NAPSA: variants seen among roughly 807,000 people sequenced by gnomAD.
NAPSA encodes napsin A aspartic peptidase.
A neutral mutation model predicts 36.7 loss-of-function variants in NAPSA; 37 were observed. The observed-to-expected ratio is 1.01, with a 90% CI of 0.78 to 1.33. The LOEUF (loss-of-function observed/expected upper bound fraction) is 1.33. Ranked by LOEUF, NAPSA falls within the 40% of genes most tolerant of loss-of-function variation. The pLI is 0.00. For missense variants in NAPSA, 532 were observed against 543.8 expected, an observed-to-expected ratio of 0.98 and a Z score of 0.21; for synonymous variants, 222 against 234.5, an observed-to-expected ratio of 0.95 and a Z score of 0.49.
In NAPSA at chr19:50,359,929, GC is replaced by G. The variant is rs1601123898; in HGVS notation, c.669-68del. On this transcript the variant is annotated intron_variant, in intron 5 of 8. Coordinates refer to ENST00000253719, the MANE Select transcript of NAPSA (RefSeq NM_004851.3). ...TGGCCCTCCCTCAGCCCTAGGTATT[GC>G]CAGGAATGGCACTTCCCACCAACTG... The G allele has an allele frequency of 1.4e-5, 21 of 1,554,514 alleles. No homozygotes were observed. In the East Asian group the frequency reaches 4.8e-4, roughly 35 times the overall value.
rs917991901 is a variant in NAPSA, at chr19:50,358,732, C to G, written c.1084G>C (p.Asp362His). The stretch of plus-strand genomic sequence containing the variant: ...AAGGGCCCTGCAGGCGGAGGGACAT[C>G]CAGGGCCTGGAAACCGGACAAGCAG... ...RLCLSGFQAL[D>H]VPPPAGPFWI... Residue 362 changes from aspartate to histidine, a missense_variant, in exon 9 of 9, where the codon GAT (aspartate) becomes CAT (histidine). Physicochemically the swap from Asp to His is moderately conservative, Grantham distance 81. This residue lies in a region of NAPSA where 385 missense variants were observed against 371.5 expected (regional missense o/e 1.04). Coordinates refer to ENST00000253719, the MANE Select transcript of NAPSA (RefSeq NM_004851.3). 2 of 1,613,282 alleles carry G rather than the reference C, an allele frequency of 1.2e-6. No individual in the cohort carries two copies. Among genetic ancestry groups the G allele is most frequent in the Non-Finnish European group, 1.7e-6 (2 of 1,179,958 alleles).
chr19:50,363,627 A>T (rs61351775), intron 1 of NAPSA, among the ~76,000 whole-genome samples: 47,902 of 151,592 alleles, frequency 0.32, 7,787 homozygotes, highest in Admixed American at 0.39. Flanking sequence ...CAGTAGCAGG[A>T]TCATAGCCCA....
At chr19:50,367,549 C>CCG (rs1376092737), upstream of NAPSA, among the ~76,000 whole-genome samples, 1 of 132,976 alleles carries the variant, frequency 7.5e-6, no homozygotes, top group East Asian at 2.2e-4. Flanking sequence ...TCTCTCTCTC[C>CCG]CTCTCTCTCT....
At chr19:50,365,729 A>G, upstream of NAPSA, 1 of 891,118 alleles carries the variant, frequency 1.1e-6, no homozygotes. Flanking sequence ...AGACCAGGAC[A>G]TGAAATCTGT....
rs1568585667 is a variant in NAPSA, at chr19:50,359,878, G to GT, written c.669-17dup. The GT allele has an allele frequency of 6.8e-6, 11 of 1,611,674 alleles. No individual in the cohort carries two copies. Among genetic ancestry groups the GT allele is most frequent in the Non-Finnish European group, 1.7e-6 (2 of 1,178,564 alleles). ...TTCAGGGTCCCTGCAGGGGCAGAGT[G>GT]TAGAGAGTGTAGATGTCAGTGTCAC... On this transcript the variant is annotated splice_polypyrimidine_tract_variant and intron_variant, in intron 5 of 8. Transcript: ENST00000253719.
At chr19:50,368,368 T>G (rs2037576122), upstream of NAPSA, among the ~76,000 whole-genome samples, 1 of 151,916 alleles carries the variant, frequency 6.6e-6, no homozygotes, top group Non-Finnish European at 1.5e-5. Context: ...GGCACACTCC[T>G]GTAGTCCCAG....
At chr19:50,364,992 A>AAATAATAATAATAATAATAAAT (rs2037526544) in intron 1 of NAPSA, among the ~76,000 whole-genome samples, 1 of 138,624 alleles carries the variant, frequency 7.2e-6, no homozygotes, top group Non-Finnish European at 1.5e-5. Context: ...ACTCTGTCTC[A>AAATAATAATAATAATAATAAAT]AATAATAATA....
rs61729810 is a variant in NAPSA at position 50,359,062 on chromosome 19, G to A, written c.984C>T (p.Phe328=). The change falls in exon 8 of 9, where the codon TTC becomes TTT. Residue 328 remains phenylalanine, a synonymous_variant. Transcript: ENST00000253719. ...SEIPKLPAVS[F]LLGGVWFNLT... ...GGTTAAACCAGACCCCCCCAAGAAG[G>A]AAGGAGACTGCGGGGAGCTTTGGGA... 12,251 of 1,614,094 alleles carry A rather than the reference G, an allele frequency of 7.6e-3. 77 individuals carry two copies. Among genetic ancestry groups the A allele is most frequent in the Middle Eastern group, 0.02 (119 of 6,062 alleles).
At position 50,365,608 on chromosome 19, in the gene NAPSA, G is replaced by T; in HGVS notation, c.14C>A (p.Pro5Gln). 1 of 1,611,378 alleles carries T rather than the reference G, an allele frequency of 6.2e-7. No homozygotes were observed. The highest frequency in any genetic ancestry group is 1.1e-5 in the South Asian group (1 of 90,834). ...CAGCAGCAGCAGGGGTTGCAGCAGC[G>T]GTGGTGGAGACATCGCTGGGGACCT... MSPP[P>Q]LLQPLLLLLP... Residue 5 changes from proline to glutamine, a missense_variant, in exon 1 of 9, where the codon CCG (proline) becomes CAG (glutamine). Pro to Gln is a moderately conservative substitution (Grantham distance 76). Transcript: ENST00000253719.
chr19:50,359,721 A>G lies in NAPSA; in HGVS notation c.791+19T>C. On this transcript the variant is annotated intron_variant, in intron 6 of 8. Coordinates refer to ENST00000253719, the MANE Select transcript of NAPSA (RefSeq NM_004851.3). ...GCCCCCAGCCTCCAGCTCCAGAGCCAGGAGACCAAGTCCCTCACCGCTCCA... is the reference window on the plus strand; with the variant it reads ...GCCCCCAGCCTCCAGCTCCAGAGCCGGGAGACCAAGTCCCTCACCGCTCCA... 1 of 1,614,246 alleles carries G rather than the reference A, an allele frequency of 6.2e-7. No homozygotes were observed. Among genetic ancestry groups the G allele is most frequent in the Non-Finnish European group, 8.5e-7 (1 of 1,180,046 alleles).
At chr19:50,362,458 T>A in intron 1 of NAPSA, 145 bp from the exon 2 acceptor site, 1 of 652,340 alleles carries the variant, frequency 1.5e-6, no homozygotes, top group Non-Finnish European at 2.4e-6. Context: ...AATAACAACC[T>A]CCAGAAAAGC....
At chr19:50,362,502 A>G (rs2037491616) in intron 1 of NAPSA, 189 bp from the exon 2 acceptor site, 1 of 502,034 alleles carries the variant, frequency 2.0e-6, no homozygotes, top group African/African-American at 2.0e-5. Context: ...AATATCCCCA[A>G]AGACTTTACA....
intron 8 of NAPSA, 66 bp from the exon 9 acceptor site, chr19:50,358,846 G>T (rs1297397519): frequency 2.8e-6 from 4 of 1,447,330 alleles, no homozygotes; most frequent in Non-Finnish European, 3.8e-6. Context: ...CTGGGAGCCC[G>T]TCCATCCCCC....
At chr19:50,365,205 G>A (rs991969901) in intron 1 of NAPSA, among the ~76,000 whole-genome samples, 2 of 151,062 alleles carry the variant, frequency 1.3e-5, no homozygotes, top group East Asian at 2.0e-4. Flanking sequence ...ATGGTGGCGC[G>A]AGCCTGTAAT....
chr19:50,361,686 T>G lies in NAPSA; in HGVS notation c.445A>C (p.Ile149Leu), dbSNP rs2037475019. ...ACAGTCAGCTTGTCCTCGCTCAGGA[T>G]TCCATCTACCCGCCCAGTTCCATAT... is the stretch of plus-strand genomic sequence containing the variant. ...IQYGTGRVDG[I>L]LSEDKLTIGG... The change falls in exon 4 of 9, where the codon ATC (isoleucine) becomes CTC (leucine). Residue 149 changes from isoleucine (I) to leucine (L), a missense_variant. Coordinates refer to ENST00000253719, the MANE Select transcript of NAPSA (RefSeq NM_004851.3). The G allele has an allele frequency of 1.2e-6, 2 of 1,613,836 alleles. No homozygotes were observed. The highest frequency in any genetic ancestry group is 1.3e-5 in the African/African-American group (1 of 74,860).
Position 50,359,071 on chromosome 19 carries a change from T to G in NAPSA, c.975A>C (p.Ala325=), listed in dbSNP as rs757962841. The G allele has an allele frequency of 1.9e-6, 3 of 1,614,010 alleles. No individual in the cohort carries two copies. Among genetic ancestry groups the G allele is most frequent in the East Asian group, 2.2e-5 (1 of 44,866 alleles). The change falls in exon 8 of 9, where the codon GCA becomes GCC. Residue 325 remains alanine (A), a synonymous_variant. Transcript: ENST00000253719. ...AGACCCCCCCAAGAAGGAAGGAGAC[T>G]GCGGGGAGCTTTGGGATTTCCGAGC... The part of the protein sequence containing the change: ...ILCSEIPKLP[A]VSFLLGGVWF...
At position 50,358,652 on chromosome 19, in the gene NAPSA, C is replaced by A. The variant is rs747939426; in HGVS notation, c.1164G>T (p.Gly388=). The change falls in exon 9 of 9, where the codon GGG becomes GGT. Residue 388 remains glycine (G), a synonymous_variant. Transcript: ENST00000253719. ...CCACCCGGGCGCTGCTCTTCATGTC[C>A]CCGCGGTCGAAGACGGCCACATACG... The part of the protein sequence containing the change: ...LGTYVAVFDR[G]DMKSSARVGL... 10 of 1,613,026 alleles carry A rather than the reference C, an allele frequency of 6.2e-6. No individual in the cohort carries two copies. Among genetic ancestry groups the A allele is most frequent in the African/African-American group, 2.7e-5 (2 of 74,908 alleles).
chr19:50,366,309 A>G (rs1222080746), upstream of NAPSA, among the ~76,000 whole-genome samples: 4 of 151,992 alleles, frequency 2.6e-5, no homozygotes, highest in Non-Finnish European at 5.9e-5. Flanking sequence ...CATGTTGGTC[A>G]GGCTGGTCTA....
At chr19:50,359,145 T>C (rs2037437351) in intron 7 of NAPSA, 36 bp from the exon 8 acceptor site, 2 of 1,548,040 alleles carry the variant, frequency 1.3e-6, no homozygotes, top group East Asian at 4.5e-5. Flanking sequence ...GATGAGAGAT[T>C]CCTGCTCTGT....
Sources: gnomAD v4.1 joint callset for allele counts (sites outside exome capture counted in the v4.1 genomes callset) on GRCh38, gnomAD v4.1.1 for gene constraint, gnomAD v4.1.1 regional missense constraint, MANE v1.5 for transcripts, NCBI Gene and HGNC (gene_info 2026-07-23, HGNC 2026-07-21) for gene names.